CD226: variants seen among roughly 807,000 people sequenced by gnomAD.
CD226 encodes the protein CD226 antigen.
Under a neutral mutation model 34.9 loss-of-function variants are expected in CD226, and 24 were observed. The ratio of observed to expected loss-of-function variants is 0.69; its 90% CI spans 0.50 to 0.97. The LOEUF is 0.97. CD226 is among the 50% of genes least tolerant of loss of function. The pLI, the probability that CD226 is intolerant of heterozygous loss-of-function variation, is 0.00. For synonymous variants in CD226, 148 were observed against 147.4 expected (o/e 1.00, Z -0.03); for missense variants, 397 against 412.7 (o/e 0.96, Z 0.33).
At chr18:69,899,656 G>A (rs2145255750) in intron 2 of CD226, among the ~76,000 whole-genome samples, 1 of 152,186 alleles carries the variant, frequency 6.6e-6, no homozygotes, top group East Asian at 1.9e-4. Context: ...ACATATACGT[G>A]GCCAACAAGC....
intron 2 of CD226, among the ~76,000 whole-genome samples, chr18:69,897,636 AG>A (rs1199597289): frequency 6.6e-6 from 1 of 152,170 alleles, no homozygotes; most frequent in African/African-American, 2.4e-5. Flanking sequence ...ATAGAGAAAG[AG>A]AGAAAGGAAG....
intron 2 of CD226, among the ~76,000 whole-genome samples, chr18:69,906,328 A>T (rs562500067): frequency 2.4e-4 from 36 of 152,392 alleles, no homozygotes; most frequent in Middle Eastern, 6.8e-3. Flanking sequence ...TTTAAAACAC[A>T]CTGCTCAGGA....
intron 3 of CD226, among the ~76,000 whole-genome samples, chr18:69,880,721 G>A (rs966207624): frequency 6.8e-6 from 1 of 147,764 alleles, no homozygotes; most frequent in Non-Finnish European, 1.5e-5. Flanking sequence ...GCACGATCTC[G>A]GCTCACTGCA....
At chr18:69,935,859 G>A (rs760758989) in intron 2 of CD226, among the ~76,000 whole-genome samples, 41 of 152,192 alleles carry the variant, frequency 2.7e-4, no homozygotes, top group Non-Finnish European at 5.3e-4. Context: ...CAATAAGAAG[G>A]GTACAGTTTC....
intron 2 of CD226, among the ~76,000 whole-genome samples, chr18:69,904,342 C>CA (rs1279751180): frequency 6.6e-6 from 1 of 152,200 alleles, no homozygotes; most frequent in Non-Finnish European, 1.5e-5. Flanking sequence ...AAGCACTGAA[C>CA]AGCAAAGGAC....
At chr18:69,932,586 T>C (rs147168660) in intron 2 of CD226, among the ~76,000 whole-genome samples, 1 of 152,332 alleles carries the variant, frequency 6.6e-6, no homozygotes, top group African/African-American at 2.4e-5. Flanking sequence ...TGATCCATCC[T>C]GCAATTCCCA....
At chr18:69,919,461 A>T (rs143999097) in intron 2 of CD226, among the ~76,000 whole-genome samples, 9 of 152,238 alleles carry the variant, frequency 5.9e-5, no homozygotes, top group African/African-American at 2.2e-4. Flanking sequence ...TTTTCACCAT[A>T]ATATTTAAAG....
chr18:69,885,889 C>T (rs961350630), intron 3 of CD226, among the ~76,000 whole-genome samples: 3 of 152,090 alleles, frequency 2.0e-5, no homozygotes, highest in Non-Finnish European at 4.4e-5. Flanking sequence ...CGAAGGATCC[C>T]GAGCTGAAAT....
upstream of CD226, among the ~76,000 whole-genome samples, chr18:69,959,058 C>T (rs2055917605): frequency 6.6e-6 from 1 of 152,160 alleles, no homozygotes; most frequent in African/African-American, 2.4e-5. Flanking sequence ...GAAACACAGG[C>T]ATCCCAGTAT....
chr18:69,867,243 G>C (rs1983202467), intron 5 of CD226, 114 bp downstream of exon 5: 2 of 677,562 alleles, frequency 3.0e-6, no homozygotes, highest in Admixed American at 4.5e-5. Context: ...ACAGGCAACT[G>C]CATGGTCAGG....
intron 3 of CD226, among the ~76,000 whole-genome samples, chr18:69,889,841 C>A (rs886759199): frequency 6.6e-6 from 1 of 152,174 alleles, no homozygotes; most frequent in Non-Finnish European, 1.5e-5. Flanking sequence ...TTAGCTGTGG[C>A]ACTATGATTT....
In CD226 at chr18:69,922,382, G is replaced by C. The variant is rs562725131; in HGVS notation, c.382+24352C>G. Among the ~76,000 whole-genome samples, 3 of 152,250 alleles carry C rather than the reference G, an allele frequency of 2.0e-5. No individual in the cohort carries two copies. The South Asian group carries it at 6.2e-4, about 32-fold the overall frequency. On this transcript the variant is annotated intron_variant, in intron 2 of 5. Transcript: ENST00000582621. ...CTGCAGCTTCAAGCACCTGGGCACAGGCAGTCCTCCTGCCTCAGCCTCCCA... is the reference window on the plus strand; with the variant it reads ...CTGCAGCTTCAAGCACCTGGGCACACGCAGTCCTCCTGCCTCAGCCTCCCA...
At chr18:69,889,275 T>C (rs936098241) in intron 3 of CD226, among the ~76,000 whole-genome samples, 2 of 152,264 alleles carry the variant, frequency 1.3e-5, no homozygotes, top group East Asian at 1.9e-4. Flanking sequence ...TCTGGTCGTG[T>C]TGCTCCATCA....
chr18:69,923,777 AC>A (rs1205349877), intron 2 of CD226, among the ~76,000 whole-genome samples: 1 of 151,754 alleles, frequency 6.6e-6, no homozygotes, highest in African/African-American at 2.4e-5. Flanking sequence ...AAACGGTGAA[AC>A]CCCGTCTCTA....
chr18:69,888,862 A>C (rs377371449), intron 3 of CD226, among the ~76,000 whole-genome samples: 1 of 152,318 alleles, frequency 6.6e-6, no homozygotes, highest in East Asian at 1.9e-4. Flanking sequence ...TTAGAGTTTC[A>C]TTCCCTCTGA....
At chr18:69,922,708 G>A (rs2055467131) in intron 2 of CD226, among the ~76,000 whole-genome samples, 1 of 152,240 alleles carries the variant, frequency 6.6e-6, no homozygotes, top group Non-Finnish European at 1.5e-5. Flanking sequence ...AGGCCATTGT[G>A]AGGATGCACA....
At chr18:69,909,494 C>T (rs1013043176) in intron 2 of CD226, among the ~76,000 whole-genome samples, 6 of 152,194 alleles carry the variant, frequency 3.9e-5, no homozygotes, top group Non-Finnish European at 8.8e-5. Flanking sequence ...GTATTTCTCA[C>T]AACTCCCTGA....
At chr18:69,939,140 T>G (rs889372068) in intron 2 of CD226, among the ~76,000 whole-genome samples, 1 of 152,074 alleles carries the variant, frequency 6.6e-6, no homozygotes, top group Non-Finnish European at 1.5e-5. Context: ...TCTAAAACAT[T>G]TTGAGACAAA....
chr18:69,949,874 GCA>G (rs1366450040), upstream of CD226, among the ~76,000 whole-genome samples: 1 of 150,598 alleles, frequency 6.6e-6, no homozygotes, highest in Admixed American at 6.6e-5. Flanking sequence ...ACTCACATAT[GCA>G]CACTGTCTCA....
Sources: gnomAD v4.1 joint callset for allele counts (sites outside exome capture counted in the v4.1 genomes callset) on GRCh38, gnomAD v4.1.1 for gene constraint, MANE v1.5 for transcripts, NCBI Gene and HGNC (gene_info 2026-07-23, HGNC 2026-07-21) for gene names.